The following AFF3 variants were observed in gnomAD, a reference collection of about 807,000 sequenced individuals.
AFF3 encodes AF4/FMR2 family member 3.
Under a neutral mutation model 129.7 loss-of-function variants are expected in AFF3, and 32 were observed. That is an observed-to-expected ratio of 0.25 (90% CI 0.19 to 0.33). The LOEUF (loss-of-function observed/expected upper bound fraction) is 0.33. Ranked by LOEUF, AFF3 falls within the 10% of genes least tolerant of loss-of-function variation. The pLI is 1.00. For missense variants in AFF3, 1,373 were observed against 1,592.0 expected (o/e 0.86, Z 2.34); for synonymous variants, 644 against 635.4 (o/e 1.01, Z -0.20).
At chr2:99,589,475 C>T (rs1311898576) in intron 15 of AFF3, among the ~76,000 whole-genome samples, 1 of 142,936 alleles carries the variant, frequency 7.0e-6, no homozygotes, top group Non-Finnish European at 1.5e-5. Flanking sequence ...GATCTCAGCT[C>T]AGTGCAGCCT....
chr2:99,611,770 C>A (rs1283724259), intron 13 of AFF3, among the ~76,000 whole-genome samples: 2 of 152,022 alleles, frequency 1.3e-5, no homozygotes, highest in Non-Finnish European at 2.9e-5. Context: ...GCCTGTAATC[C>A]CAGCTACTTG....
chr2:99,928,410 A>C (rs1696429405), intron 7 of AFF3, among the ~76,000 whole-genome samples: 2 of 152,170 alleles, frequency 1.3e-5, no homozygotes, highest in African/African-American at 4.8e-5. Flanking sequence ...CCTTGAATAC[A>C]AGCTCTTTGT....
At chr2:99,743,932 T>C (rs916093791) in intron 10 of AFF3, among the ~76,000 whole-genome samples, 172 bp downstream of exon 10, 1 of 152,176 alleles carries the variant, frequency 6.6e-6, no homozygotes, top group Non-Finnish European at 1.5e-5. Flanking sequence ...CTTAAGGTCA[T>C]CATAAATCTT....
chr2:100,128,718 T>A lies in AFF3; in HGVS notation c.-145+506A>T, dbSNP rs188230278. 2.1e-3 allele frequency among the ~76,000 whole-genome samples: 314 copies of A among 152,250 alleles called. 1 individual carries two copies. The highest frequency in any genetic ancestry group is 3.5e-3 in the Non-Finnish European group (238 of 68,016). ...GGTAGAAATTACAAAGAGGCTGCCTTCAGTTTGAAATAAAGGACTTTCAAG... is the reference window on the plus strand; with the variant it reads ...GGTAGAAATTACAAAGAGGCTGCCTACAGTTTGAAATAAAGGACTTTCAAG... On this transcript the variant is annotated intron_variant, in intron 2 of 24. Coordinates refer to ENST00000672756, the MANE Select transcript of AFF3 (RefSeq NM_001386135.1).
In AFF3 at chr2:99,594,203, A is replaced by T; in HGVS notation, c.1458T>A (p.Asn486Lys). The change falls in exon 15 of 25, where the codon AAT becomes AAA. Residue 486 changes from asparagine to lysine, a missense_variant. Physicochemically the swap from Asn to Lys is moderately conservative, Grantham distance 94. Around this residue, in one of 9 missense-constraint regions of AFF3, gnomAD observed 413 missense variants for 424.4 expected, o/e 0.97. Coordinates refer to ENST00000672756, the MANE Select transcript of AFF3 (RefSeq NM_001386135.1). ...NPHKPPILIQ[N>K]ESHGSESNQY... ...GATTGCTCTCTGACCCGTGGCTTTC[A>T]TTTTGGATCAGAATAGGAGGCTTGT... 6.2e-7 allele frequency: 1 copy of T among 1,613,976 alleles called. No homozygotes were observed. Among genetic ancestry groups the T allele is most frequent in the Non-Finnish European group, 8.5e-7 (1 of 1,179,970 alleles).
intron 4 of AFF3, among the ~76,000 whole-genome samples, chr2:100,080,968 A>C (rs2576656): frequency 1.3e-5 from 2 of 152,194 alleles, no homozygotes; most frequent in Non-Finnish European, 2.9e-5. Context: ...AGCAAGGTTC[A>C]GAAACCAGCA....
At chr2:99,717,246 T>C (rs1203029797) in intron 11 of AFF3, among the ~76,000 whole-genome samples, 1 of 152,364 alleles carries the variant, frequency 6.6e-6, no homozygotes, top group East Asian at 1.9e-4. Flanking sequence ...TACTAATGCC[T>C]ACAAATGCAA....
At chr2:99,776,147 CG>C (rs1477248511) in intron 8 of AFF3, among the ~76,000 whole-genome samples, 2 of 151,884 alleles carry the variant, frequency 1.3e-5, no homozygotes, top group African/African-American at 4.8e-5. Context: ...CAAATGGCAT[CG>C]GGGGAAAAAA....
intron 4 of AFF3, among the ~76,000 whole-genome samples, chr2:100,045,355 G>C (rs1304219522): frequency 6.6e-6 from 1 of 152,142 alleles, no homozygotes; most frequent in Non-Finnish European, 1.5e-5. Flanking sequence ...AAACAGACAA[G>C]CAACTGCAGA....
At chr2:99,628,677 C>G (rs1263529327) in intron 13 of AFF3, among the ~76,000 whole-genome samples, 1 of 150,138 alleles carries the variant, frequency 6.7e-6, no homozygotes, top group Non-Finnish European at 1.5e-5. Flanking sequence ...CTGCCTCAGC[C>G]TCCTGAGTAG....
chr2:99,951,759 C>T (rs1676188796), intron 7 of AFF3, among the ~76,000 whole-genome samples: 1 of 152,226 alleles, frequency 6.6e-6, no homozygotes, highest in Non-Finnish European at 1.5e-5. Flanking sequence ...CATTCTCCTG[C>T]CTCAGCCTCC....
At chr2:99,703,766 GCTCACTACATC>G (rs1300246173) in intron 11 of AFF3, among the ~76,000 whole-genome samples, 1 of 151,884 alleles carries the variant, frequency 6.6e-6, no homozygotes, top group Non-Finnish European at 1.5e-5. Flanking sequence ...CATGATCATA[GCTCACTACATC>G]CTCACACATC....
At chr2:99,851,050 AATG>A (rs1250804570) in intron 7 of AFF3, among the ~76,000 whole-genome samples, 1 of 152,252 alleles carries the variant, frequency 6.6e-6, no homozygotes, top group Non-Finnish European at 1.5e-5. Flanking sequence ...AACTGTTTAT[AATG>A]ATAATTAAGA....
rs138393546 is a variant in AFF3, at chr2:99,828,374, C to T, written c.921+9103G>A. Among the ~76,000 whole-genome samples the T allele has an allele frequency of 3.0e-3, 455 of 152,278 alleles. 5 individuals are homozygous for T. Among genetic ancestry groups the T allele is most frequent in the African/African-American group, 0.011 (440 of 41,538 alleles). On this transcript the variant is annotated intron_variant, in intron 8 of 24. Transcript: ENST00000672756. ...GCAGTGAGATCCAGCATAAAGCAGA[C>T]GTCGCAACCGGCTGGCTGCCTGGAG...
chr2:99,890,665 C>T (rs1386254193), intron 7 of AFF3, among the ~76,000 whole-genome samples: 1 of 152,138 alleles, frequency 6.6e-6, no homozygotes, highest in Non-Finnish European at 1.5e-5. Flanking sequence ...CCCTCCGTGC[C>T]CCTGTCCTTC....
chr2:99,809,064 G>C (rs554511357), intron 8 of AFF3, among the ~76,000 whole-genome samples: 1 of 152,362 alleles, frequency 6.6e-6, no homozygotes, highest in Admixed American at 6.5e-5. Flanking sequence ...CATACCTAGA[G>C]AGGAAGGTGC....
At chr2:99,957,182 C>T (rs561966344) in intron 7 of AFF3, among the ~76,000 whole-genome samples, 114 of 150,636 alleles carry the variant, frequency 7.6e-4, no homozygotes, top group Non-Finnish European at 1.3e-3. Context: ...TGTGTGTGTG[C>T]GTGTGTGTGT....
At chr2:99,777,938 A>G (rs1684045518) in intron 8 of AFF3, among the ~76,000 whole-genome samples, 1 of 148,140 alleles carries the variant, frequency 6.8e-6, no homozygotes, top group Non-Finnish European at 1.5e-5. Context: ...TACTTAAAAA[A>G]AGCAAAAGCA....
intron 7 of AFF3, among the ~76,000 whole-genome samples, chr2:99,977,764 C>A (rs1264756654): frequency 1.3e-5 from 2 of 149,716 alleles, no homozygotes; most frequent in Non-Finnish European, 3.0e-5. Context: ...AAGTTCAACT[C>A]CCCCTTCATC....
Sources: gnomAD v4.1 joint callset for allele counts (sites outside exome capture counted in the v4.1 genomes callset) on GRCh38, gnomAD v4.1.1 for gene constraint, gnomAD v4.1.1 regional missense constraint, MANE v1.5 for transcripts, NCBI Gene and HGNC (gene_info 2026-07-23, HGNC 2026-07-21) for gene names.